The following ARHGEF40 variants were observed in gnomAD, a reference collection of about 807,000 sequenced individuals.
The protein encoded by ARHGEF40 is Rho guanine nucleotide exchange factor (GEF) 40.
ARHGEF40 carries 98 observed loss-of-function variants against 165.9 expected under a neutral mutation model. The ratio of observed to expected loss-of-function variants is 0.59; its 90% CI spans 0.50 to 0.70. ARHGEF40 has a LOEUF of 0.70. Ranked by LOEUF, ARHGEF40 falls within the 30% of genes least tolerant of loss-of-function variation. ARHGEF40 has a pLI of 0.00. For missense variants in ARHGEF40, 1,815 were observed against 1,968.0 expected (o/e 0.92, Z 1.47); for synonymous variants, 792 against 814.3 (o/e 0.97, Z 0.47).
the ARHGEF40 span, among the ~76,000 whole-genome samples, chr14:21,063,680 A>G: frequency 6.6e-6 from 1 of 152,186 alleles, no homozygotes; most frequent in Non-Finnish European, 1.5e-5. Context: ...GGGTCTGCCA[A>G]TGAGAGCTGA....
rs780020334 is a variant in ARHGEF40, at chr14:21,082,453, G to A, written c.3461G>A (p.Arg1154His). 20 of 1,597,972 alleles carry A rather than the reference G, an allele frequency of 1.3e-5. No individual in the cohort carries two copies. Among genetic ancestry groups the A allele is most frequent in the African/African-American group, 5.4e-5 (4 of 74,396 alleles). Residue 1154 changes from arginine to histidine, a missense_variant, in exon 15 of 24, where the codon CGC becomes CAC. Physicochemically the swap from Arg to His is conservative, Grantham distance 29. Coordinates refer to ENST00000298694, the MANE Select transcript of ARHGEF40 (RefSeq NM_018071.5). ...ELQGCATHPL[R>H]IGACFLRHGD... ...CAGGGCTGCGCCACCCACCCCCTAC[G>A]CATTGGGGCCTGCTTCCTTCGCCAC...
At chr14:21,088,710 T>A in intron 22 of ARHGEF40, 120 bp from the exon 23 acceptor site, 2 of 1,082,664 alleles carry the variant, frequency 1.8e-6, no homozygotes, top group Non-Finnish European at 2.6e-6. Context: ...AATAGCAAAA[T>A]TCAAGGATTT....
rs750191881 is a variant in ARHGEF40, at chr14:21,082,889, G to A, written c.3545G>A (p.Gly1182Asp). The change falls in exon 16 of 24, where the codon GGT (glycine) becomes GAT (aspartate). Residue 1182 changes from glycine to aspartate, a missense_variant. Transcript: ENST00000298694. ...AAGCACCGACACAAACTGGAGAATG[G>A]TCTGGCTGCGCTCAGTCCCTTAAGC... The part of the protein sequence containing the change: ...YVKHRHKLEN[G>D]LAALSPLSKG... 6.2e-7 allele frequency: 1 copy of A among 1,614,178 alleles called. No homozygotes were observed. The highest frequency in any genetic ancestry group is 1.7e-5 in the Admixed American group (1 of 60,022).
chr14:21,087,768 C>T (rs1422167070), intron 21 of ARHGEF40, 200 bp from the exon 22 acceptor site: 17 of 758,138 alleles, frequency 2.2e-5, no homozygotes, highest in South Asian at 6.9e-5. Context: ...AGTTTCCTGT[C>T]GCTTCTTCCC....
In ARHGEF40 at chr14:21,089,544, C is replaced by T. The variant is rs1018263387; in HGVS notation, c.*536C>T. Reference sequence around the variant, plus strand: ...TTGTTATATTAAATGTATTTACTCACACTTTGCCTCTAAGGAGCTAGAGTA... The same window carrying T: ...TTGTTATATTAAATGTATTTACTCATACTTTGCCTCTAAGGAGCTAGAGTA... On this transcript the variant is annotated 3_prime_UTR_variant, in exon 24 of 24. Coordinates refer to ENST00000298694, the MANE Select transcript of ARHGEF40 (RefSeq NM_018071.5). The T allele has an allele frequency of 2.0e-5, 3 of 152,660 alleles. No homozygotes were observed. The highest frequency in any genetic ancestry group is 4.4e-5 in the Non-Finnish European group (3 of 68,046). The allele number at this position is 152,660 out of a possible 1,614,324, so 9.5% of individuals were successfully genotyped here.
At position 21,073,375 on chromosome 14, in the gene ARHGEF40, T is replaced by C; in HGVS notation, c.201+133T>C. 2 of 1,037,820 alleles carry C rather than the reference T, an allele frequency of 1.9e-6. No homozygotes were observed. The highest frequency in any genetic ancestry group is 2.8e-6 in the Non-Finnish European group (2 of 726,140). 64.3% of individuals were successfully genotyped at this position (1,037,820 alleles called of 1,614,324 possible). A position where few individuals can be genotyped will look rare whatever the true frequency, so the allele number is the denominator to read the frequency against. On this transcript the variant is annotated intron_variant, in intron 2 of 23. Transcript: ENST00000298694. This position sits in a 1 kb window ranked among gnomAD's most constrained non-coding sequence, Gnocchi z 4.6. ...TTGAAACCGATCTCTCCAGAATCAC[T>C]TAAGCTTCATTCTCTGACCTCTCAC... is the stretch of plus-strand genomic sequence containing the variant.
chr14:21,070,282 CG>C, upstream of ARHGEF40: 1 of 1,123,242 alleles, frequency 8.9e-7, no homozygotes, highest in Non-Finnish European at 1.1e-6. This position sits in a 1 kb window ranked among gnomAD's most constrained non-coding sequence, Gnocchi z 4.7. Context: ...GCCGCCACCG[CG>C]GCCGGAGCTG....
At chr14:21,083,087 T>C (rs534904516) in intron 16 of ARHGEF40, among the ~76,000 whole-genome samples, 170 bp downstream of exon 16, 1 of 152,030 alleles carries the variant, frequency 6.6e-6, no homozygotes, top group African/African-American at 2.4e-5. Context: ...TGAGGCCAGG[T>C]TCTTATCCAG....
intron 1 of ARHGEF40, among the ~76,000 whole-genome samples, chr14:21,071,514 G>A (rs1886862905): frequency 6.6e-6 from 1 of 152,170 alleles, no homozygotes; most frequent in South Asian, 2.1e-4. Flanking sequence ...CTGGGCCAGG[G>A]AGAGCTGACT....
chr14:21,075,083 A>G lies in ARHGEF40; in HGVS notation c.1353A>G (p.Ala451=). ...CTGAGCCAAAAGAGCTCAAAACAGC[A>G]GGCGAGAAAGAGCCTCAGCTCTCTG... ...PESEPKELKT[A]GEKEPQLSEA... is the part of the protein sequence containing the mutation. The change falls in exon 3 of 24, where the codon GCA becomes GCG. Residue 451 remains alanine (A), a synonymous_variant. Coordinates refer to ENST00000298694, the MANE Select transcript of ARHGEF40 (RefSeq NM_018071.5). The surrounding 1 kb of genome is among the most constrained non-coding windows in gnomAD (Gnocchi z 4.5). 2 of 1,614,134 alleles carry G rather than the reference A, an allele frequency of 1.2e-6. No homozygotes were observed.
In ARHGEF40 at chr14:21,087,656, A is replaced by G. The variant is rs1033438569; in HGVS notation, c.4387+193A>G. 47 of 807,472 alleles carry G rather than the reference A, an allele frequency of 5.8e-5. No homozygotes were observed. The East Asian group carries it at 1.2e-3, about 20-fold the overall frequency. The allele number at this position is 807,472 out of a possible 1,614,324, so 50.0% of individuals were successfully genotyped here. ...ATGCTTACAACAGCCTGTTGCTAAG[A>G]AGCACTTCCTCTGTACCTCTCTCTC... On this transcript the variant is annotated intron_variant, in intron 21 of 23. Transcript: ENST00000298694.
Position 21,076,355 on chromosome 14 carries a change from C to T in ARHGEF40, c.1740-5C>T, listed in dbSNP as rs762688751. ...CAGCCTCCTTGGCTCTTCCTGCTCC[C>T]GCAGGCCTGATCTACAGACACTGGG... is the stretch of plus-strand genomic sequence containing the variant. On this transcript the variant is annotated splice_region_variant and splice_polypyrimidine_tract_variant and intron_variant, in intron 5 of 23. Coordinates refer to ENST00000298694, the MANE Select transcript of ARHGEF40 (RefSeq NM_018071.5). 3.7e-6 allele frequency: 6 copies of T among 1,612,448 alleles called. No individual in the cohort carries two copies. The highest frequency in any genetic ancestry group is 3.3e-5 in the Admixed American group (2 of 60,004).
intron 19 of ARHGEF40, chr14:21,086,075 G>A: frequency 1.6e-6 from 1 of 619,946 alleles, no homozygotes; most frequent in Non-Finnish European, 2.6e-6. Context: ...CAAATTTCCG[G>A]GAAGCAAGAG....
intron 19 of ARHGEF40, 75 bp from the exon 20 acceptor site, chr14:21,086,926 A>G: frequency 7.9e-7 from 1 of 1,261,412 alleles, no homozygotes; most frequent in Non-Finnish European, 1.1e-6. Flanking sequence ...AAAAAAAGAA[A>G]AAAATCAACC....
Position 21,070,876 on chromosome 14 carries a change from G to A in ARHGEF40, c.3+477G>A, listed in dbSNP as rs1207935206. ...TCCCTGTCCCCAACCCGGTGAGGCA[G>A]GCCCACCCATCCGGCCCTAGGGGAC... On this transcript the variant is annotated intron_variant, in intron 1 of 23. Coordinates refer to ENST00000298694, the MANE Select transcript of ARHGEF40 (RefSeq NM_018071.5). The surrounding 1 kb of genome is among the most constrained non-coding windows in gnomAD (Gnocchi z 4.7). 1 of 1,535,520 alleles carries A rather than the reference G, an allele frequency of 6.5e-7. No individual in the cohort carries two copies. The highest frequency in any genetic ancestry group is 8.7e-7 in the Non-Finnish European group (1 of 1,146,840).
chr14:21,076,460 AC>A lies in ARHGEF40; in HGVS notation c.1836+6del, dbSNP rs766068294. ...TCCTGCCTTGAGCCAACTTCAGGTA[AC>A]CACCCCTCAAACAGGCAGTTCCCCT... On this transcript the variant is annotated splice_donor_5th_base_variant and intron_variant, in intron 6 of 23. Coordinates refer to ENST00000298694, the MANE Select transcript of ARHGEF40 (RefSeq NM_018071.5). 2.5e-6 allele frequency: 4 copies of A among 1,614,116 alleles called. No individual in the cohort carries two copies. Among genetic ancestry groups the A allele is most frequent in the East Asian group, 4.5e-5 (2 of 44,882 alleles).
chr14:21,075,433 G>C lies in ARHGEF40; in HGVS notation c.1552G>C (p.Val518Leu). 1 of 1,614,230 alleles carries C rather than the reference G, an allele frequency of 6.2e-7. No homozygotes were observed. Among genetic ancestry groups the C allele is most frequent in the South Asian group, 1.1e-5 (1 of 91,088 alleles). The change falls in exon 4 of 24, where the codon GTC (valine) becomes CTC (leucine). Residue 518 changes from valine (V) to leucine (L), a missense_variant. By Grantham distance (32) the Val-to-Leu change is conservative. Coordinates refer to ENST00000298694, the MANE Select transcript of ARHGEF40 (RefSeq NM_018071.5). This position sits in a 1 kb window ranked among gnomAD's most constrained non-coding sequence, Gnocchi z 4.5. ...GDNIPEEALA[V>L]SVSDHPDVAW... The stretch of plus-strand genomic sequence containing the variant: ...CAACATTCCAGAAGAGGCCCTTGCA[G>C]TCTCCGTCTCTGATCACCCTGATGT...
intron 19 of ARHGEF40, 175 bp downstream of exon 19, chr14:21,086,041 T>A: frequency 1.2e-6 from 1 of 805,974 alleles, no homozygotes; most frequent in Non-Finnish European, 1.8e-6. Flanking sequence ...GCCTAAGATA[T>A]ACCAAAAAGA....
chr14:21,078,756 G>T (rs939153972), intron 10 of ARHGEF40, 128 bp from the exon 11 acceptor site: 51 of 1,373,480 alleles, frequency 3.7e-5, no homozygotes, highest in Non-Finnish European at 4.5e-5. Context: ...AGCAGTCAGG[G>T]TTCAGCCCAT....
Sources: allele counts gnomAD v4.1 joint callset (sites outside exome capture counted in the v4.1 genomes callset), GRCh38; gene constraint gnomAD v4.1.1; non-coding constraint Gnocchi (gnomAD v3.1); transcripts MANE v1.5; gene names NCBI Gene and HGNC (gene_info 2026-07-23, HGNC 2026-07-21).